Variants in KCNIP4 observed in about 807,000 individuals in gnomAD.
KCNIP4 encodes the protein Kv channel-interacting protein 4.
KCNIP4 carries 12 observed loss-of-function variants against 34.0 expected under a neutral mutation model. The observed-to-expected ratio is 0.35, with a 90% confidence interval of 0.23 to 0.57. The LOEUF is 0.57. Among genes scored for constraint, KCNIP4 ranks in the 20% least tolerant of loss-of-function variants. The pLI is 0.83. For synonymous variants in KCNIP4, 124 were observed against 102.2 expected (o/e 1.21, Z -1.29); for missense variants, 238 against 311.7 (o/e 0.76, Z 1.78).
Position 21,747,879 on chromosome 4 carries a change from A to C in KCNIP4, c.61+200692T>G, listed in dbSNP as rs144486678. On this transcript the variant is annotated intron_variant, in intron 1 of 8. Coordinates refer to ENST00000382152, the MANE Select transcript of KCNIP4 (RefSeq NM_025221.6). ...ATTAGGGTAGGCTCTAAATGCAATG[A>C]AAGTGTTTTTACAAGACGCAAAAAA... 8.7e-3 allele frequency among the ~76,000 whole-genome samples: 1,330 copies of C among 152,130 alleles called. 19 individuals carry two copies. Among genetic ancestry groups the C allele is most frequent in the South Asian group, 0.039 (187 of 4,828 alleles).
At chr4:21,856,151 T>A (rs982517712) in intron 1 of KCNIP4, among the ~76,000 whole-genome samples, 4 of 152,194 alleles carry the variant, frequency 2.6e-5, no homozygotes, top group Non-Finnish European at 5.9e-5. Context: ...TGGGGTCATT[T>A]ATCATGGTGC....
chr4:21,636,055 C>T (rs1307685907), intron 1 of KCNIP4, among the ~76,000 whole-genome samples: 2 of 146,626 alleles, frequency 1.4e-5, no homozygotes, highest in Non-Finnish European at 3.0e-5. Flanking sequence ...AACCAAACAC[C>T]ACATATTCTC....
At chr4:20,816,736 C>T (rs530134622) in intron 3 of KCNIP4, among the ~76,000 whole-genome samples, 19 of 152,166 alleles carry the variant, frequency 1.2e-4, no homozygotes, top group Non-Finnish European at 2.4e-4. Context: ...TTTTAAGCAA[C>T]ACTGAAAGAA....
At chr4:20,732,261 CT>C (rs1411707402) in intron 7 of KCNIP4, among the ~76,000 whole-genome samples, 193 bp from the exon 8 acceptor site, 3 of 152,132 alleles carry the variant, frequency 2.0e-5, no homozygotes, top group Admixed American at 1.3e-4. Context: ...TGGCTTTTCC[CT>C]TTTCAATATA....
intron 1 of KCNIP4, among the ~76,000 whole-genome samples, chr4:21,933,165 T>C (rs13120094): frequency 0.27 from 40,588 of 151,614 alleles, 6,092 homozygotes; most frequent in East Asian, 0.62. Context: ...TATAGAAATA[T>C]TGTCTTCTGT....
intron 1 of KCNIP4, among the ~76,000 whole-genome samples, chr4:21,515,905 G>C (rs62301296): frequency 1.3e-5 from 2 of 152,028 alleles, no homozygotes; most frequent in South Asian, 4.2e-4. Flanking sequence ...ATAAATTTCT[G>C]TTCCTTATAC....
intron 1 of KCNIP4, among the ~76,000 whole-genome samples, chr4:20,999,793 T>A (rs1009102617): frequency 6.6e-6 from 1 of 152,012 alleles, no homozygotes; most frequent in African/African-American, 2.4e-5. Context: ...GAAAAAAAAA[T>A]ACCATTTCTA....
chr4:21,636,024 T>G (rs1430569566), intron 1 of KCNIP4, among the ~76,000 whole-genome samples: 2 of 151,116 alleles, frequency 1.3e-5, no homozygotes, highest in African/African-American at 4.9e-5. Flanking sequence ...TCATTGTCAG[T>G]AAACTATCAC....
chr4:21,723,324 CT>C (rs1714960960), intron 1 of KCNIP4, among the ~76,000 whole-genome samples: 1 of 152,052 alleles, frequency 6.6e-6, no homozygotes, highest in Non-Finnish European at 1.5e-5. Context: ...AAAAGAAGAG[CT>C]TTTAGAGAAT....
chr4:21,355,292 A>C (rs1432307223), intron 1 of KCNIP4, among the ~76,000 whole-genome samples: 2 of 152,188 alleles, frequency 1.3e-5, no homozygotes, highest in Non-Finnish European at 2.9e-5. Context: ...GGCAAGAAAT[A>C]ACTAAGATGA....
chr4:21,518,700 C>T (rs1560478464), intron 1 of KCNIP4, among the ~76,000 whole-genome samples: 1 of 152,064 alleles, frequency 6.6e-6, no homozygotes, highest in Non-Finnish European at 1.5e-5. Flanking sequence ...TGAAATTACA[C>T]AATTGAATCC....
chr4:21,091,044 C>G (rs1034586948), intron 1 of KCNIP4, among the ~76,000 whole-genome samples: 1 of 152,082 alleles, frequency 6.6e-6, no homozygotes, highest in African/African-American at 2.4e-5. Flanking sequence ...GCTTTTTGTT[C>G]AACCAATTTT....
intron 1 of KCNIP4, among the ~76,000 whole-genome samples, chr4:21,388,010 G>C (rs963017174): frequency 2.0e-5 from 3 of 151,870 alleles, no homozygotes; most frequent in African/African-American, 7.3e-5. Context: ...CTCTGGGACG[G>C]GATGAAAGGC....
intron 1 of KCNIP4, among the ~76,000 whole-genome samples, chr4:21,260,514 G>A (rs1471609538): frequency 6.6e-6 from 1 of 152,106 alleles, no homozygotes; most frequent in Admixed American, 6.5e-5. Flanking sequence ...GATGAACTTC[G>A]GACTCTTCCA....
chr4:21,918,338 A>T (rs1193037201), intron 1 of KCNIP4, among the ~76,000 whole-genome samples: 1 of 152,172 alleles, frequency 6.6e-6, no homozygotes, highest in Admixed American at 6.5e-5. Flanking sequence ...AGTAAGCGGG[A>T]GATATAGGAA....
chr4:20,966,558 C>G (rs767324780), intron 1 of KCNIP4, among the ~76,000 whole-genome samples: 21 of 152,140 alleles, frequency 1.4e-4, no homozygotes, highest in Non-Finnish European at 2.8e-4. Flanking sequence ...CTACTGATTG[C>G]TAGTTCATAA....
At chr4:21,731,575 A>AT (rs1463266578) in intron 1 of KCNIP4, among the ~76,000 whole-genome samples, 2 of 152,080 alleles carry the variant, frequency 1.3e-5, no homozygotes, top group African/African-American at 2.4e-5. Flanking sequence ...AAATTAAGAT[A>AT]TTTTTTATCA....
intron 1 of KCNIP4, among the ~76,000 whole-genome samples, chr4:21,923,399 G>T (rs2221929): frequency 0.48 from 73,167 of 151,892 alleles, 19,980 homozygotes; most frequent in East Asian, 0.82. Flanking sequence ...CTGGCCAACA[G>T]GGTAAAACCC....
chr4:21,528,973 C>T (rs1293249985), intron 1 of KCNIP4, among the ~76,000 whole-genome samples: 2 of 152,058 alleles, frequency 1.3e-5, no homozygotes, highest in South Asian at 2.1e-4. Context: ...CAATGAAAAG[C>T]CTGCTTAGGA....
Sources: allele counts gnomAD v4.1 joint callset (sites outside exome capture counted in the v4.1 genomes callset), GRCh38; gene constraint gnomAD v4.1.1; transcripts MANE v1.5; gene names NCBI Gene and HGNC (gene_info 2026-07-23, HGNC 2026-07-21).